Variants in DNAH11 observed in about 807,000 individuals in gnomAD.
DNAH11 encodes axonemal beta dynein heavy chain 11.
DNAH11 carries 442 observed loss-of-function variants against 526.0 expected under a neutral mutation model. That is an observed-to-expected ratio of 0.84 (90% CI 0.78 to 0.91). DNAH11 has a LOEUF of 0.91. Ranked by LOEUF, DNAH11 falls within the 40% of genes least tolerant of loss-of-function variation. The pLI, the probability that DNAH11 is intolerant of heterozygous loss-of-function variation, is 0.00. For synonymous variants in DNAH11, 2,461 were observed against 1,935.9 expected (o/e 1.27, Z -7.12); for missense variants, 6,989 against 5,448.7 (o/e 1.28, Z -8.90).
intron 76 of DNAH11, among the ~76,000 whole-genome samples, chr7:21,889,157 T>C (rs1784241047): frequency 1.3e-5 from 2 of 152,212 alleles, no homozygotes; most frequent in Non-Finnish European, 2.9e-5. Flanking sequence ...AATGGACTCA[T>C]ACAATATGTA....
At position 21,901,143 on chromosome 7, in the gene DNAH11, G is replaced by GTATAGAACC; in HGVS notation, c.13441_13449dup (p.Tyr4481_Thr4483dup). 2 of 1,613,948 alleles carry GTATAGAACC rather than the reference G, an allele frequency of 1.2e-6. No individual in the cohort carries two copies. Among genetic ancestry groups the GTATAGAACC allele is most frequent in the Non-Finnish European group, 1.7e-6 (2 of 1,179,858 alleles). ...CCAAACAGACCTACGAGTGCCCTGT[G>GTATAGAACC]TATAGAACCAAACTGAGAGGCCCCA... On this transcript the variant is annotated inframe_insertion, in exon 82 of 82. Coordinates refer to ENST00000409508, the MANE Select transcript of DNAH11 (RefSeq NM_001277115.2).
intron 65 of DNAH11, among the ~76,000 whole-genome samples, chr7:21,828,149 A>T (rs1790388602): frequency 6.6e-6 from 1 of 152,034 alleles, no homozygotes; most frequent in African/African-American, 2.4e-5. Flanking sequence ...GGGTTTCACT[A>T]TGTTGGTCAG....
chr7:21,652,361 A>G (rs978927287), intron 28 of DNAH11, among the ~76,000 whole-genome samples: 40 of 152,222 alleles, frequency 2.6e-4, no homozygotes, highest in Non-Finnish European at 1.6e-4. Context: ...TGAAAGGTAA[A>G]ATGTTGATGG....
intron 61 of DNAH11, among the ~76,000 whole-genome samples, chr7:21,797,678 A>G (rs114722740): frequency 1.3e-5 from 2 of 152,236 alleles, no homozygotes; most frequent in African/African-American, 4.8e-5. Context: ...AAAGTAGTAG[A>G]TTGTCACCTT....
At chr7:21,708,919 T>C (rs1784366446) in intron 40 of DNAH11, among the ~76,000 whole-genome samples, 1 of 152,162 alleles carries the variant, frequency 6.6e-6, no homozygotes, top group Non-Finnish European at 1.5e-5. Flanking sequence ...AGAAAGACTA[T>C]TATGAAAAAG....
At chr7:21,842,183 T>G (rs1371084008) in intron 65 of DNAH11, among the ~76,000 whole-genome samples, 1 of 152,200 alleles carries the variant, frequency 6.6e-6, no homozygotes, top group Admixed American at 6.5e-5. Context: ...ATATGTTGTT[T>G]TGCTTAAAGT....
intron 28 of DNAH11, among the ~76,000 whole-genome samples, chr7:21,650,096 TAAAAA>T (rs1240821285): frequency 6.6e-6 from 1 of 151,966 alleles, no homozygotes; most frequent in Non-Finnish European, 1.5e-5. Flanking sequence ...AAGTTTATTT[TAAAAA>T]AAACCCAGCA....
intron 41 of DNAH11, 43 bp from the exon 42 acceptor site, chr7:21,711,669 G>A (rs779342522): frequency 3.1e-6 from 5 of 1,589,454 alleles, no homozygotes; most frequent in African/African-American, 2.7e-5. Flanking sequence ...GATGTTTGCG[G>A]CATTGCTTTT....
At chr7:21,702,968 C>T (rs1455822276) in intron 37 of DNAH11, among the ~76,000 whole-genome samples, 166 bp downstream of exon 37, 1 of 152,090 alleles carries the variant, frequency 6.6e-6, no homozygotes, top group Non-Finnish European at 1.5e-5. Flanking sequence ...TAAGAGGTCA[C>T]AAGTGGTCTT....
intron 30 of DNAH11, among the ~76,000 whole-genome samples, chr7:21,675,705 T>C (rs1782848161): frequency 6.6e-6 from 1 of 152,188 alleles, no homozygotes; most frequent in South Asian, 2.1e-4. Flanking sequence ...AGTGTTGATT[T>C]GGACACATGC....
At chr7:21,834,894 C>G (rs143950555) in intron 65 of DNAH11, among the ~76,000 whole-genome samples, 2 of 152,104 alleles carry the variant, frequency 1.3e-5, no homozygotes, top group African/African-American at 2.4e-5. Context: ...CAGCAAACCT[C>G]TACTTAGACT....
chr7:21,549,768 C>A (rs1782949539), intron 2 of DNAH11, among the ~76,000 whole-genome samples: 1 of 152,148 alleles, frequency 6.6e-6, no homozygotes, highest in South Asian at 2.1e-4. Flanking sequence ...ATTGGGTAGT[C>A]CACCATATAG....
intron 34 of DNAH11, among the ~76,000 whole-genome samples, chr7:21,688,890 G>C (rs1234528627): frequency 6.6e-6 from 1 of 152,172 alleles, no homozygotes; most frequent in Admixed American, 6.5e-5. Flanking sequence ...TTTATCAACA[G>C]GGCAATCTTA....
At chr7:21,843,591 C>T (rs1223827472) in intron 66 of DNAH11, among the ~76,000 whole-genome samples, 1 of 150,456 alleles carries the variant, frequency 6.6e-6, no homozygotes, top group African/African-American at 2.5e-5. Context: ...AGCGATTCTT[C>T]TGCCTCAGCT....
intron 28 of DNAH11, among the ~76,000 whole-genome samples, chr7:21,655,333 A>G (rs1781968138): frequency 6.6e-6 from 1 of 152,154 alleles, no homozygotes; most frequent in African/African-American, 2.4e-5. Flanking sequence ...TTTCTTATGT[A>G]CCAAGGATAC....
At chr7:21,698,507 T>A (rs1255829112) in intron 36 of DNAH11, among the ~76,000 whole-genome samples, 3 of 152,134 alleles carry the variant, frequency 2.0e-5, no homozygotes, top group African/African-American at 7.2e-5. Flanking sequence ...GGCCATTATA[T>A]CATTCTTATG....
At chr7:21,791,722 A>G (rs1177634113) in intron 61 of DNAH11, among the ~76,000 whole-genome samples, 1 of 152,240 alleles carries the variant, frequency 6.6e-6, no homozygotes, top group Admixed American at 6.5e-5. Flanking sequence ...AGTGTGCAAC[A>G]TACAGTAGAC....
chr7:21,675,287 G>C (rs112541618), intron 30 of DNAH11, among the ~76,000 whole-genome samples: 1 of 152,134 alleles, frequency 6.6e-6, no homozygotes, highest in Non-Finnish European at 1.5e-5. Context: ...TCCTGCCATG[G>C]GTGACCTCTT....
chr7:21,570,203 C>T lies in DNAH11; in HGVS notation c.1329C>T (p.Ser443=). 1 of 1,613,448 alleles carries T rather than the reference C, an allele frequency of 6.2e-7. No individual in the cohort carries two copies. The highest frequency in any genetic ancestry group is 1.1e-5 in the South Asian group (1 of 91,056). The change falls in exon 7 of 82, where the codon AGC becomes AGT. Residue 443 remains serine (S), a synonymous_variant. Coordinates refer to ENST00000409508, the MANE Select transcript of DNAH11 (RefSeq NM_001277115.2). ...TCAACTATAGAAAAAAATTGGCAAG[C>T]TACTTTATGGGAAGAAAGCTGAGAC... The part of the protein sequence containing the change: ...SFFNYRKKLA[S]YFMGRKLRPW...
Sources: allele counts gnomAD v4.1 joint callset (sites outside exome capture counted in the v4.1 genomes callset), GRCh38; gene constraint gnomAD v4.1.1; transcripts MANE v1.5; gene names NCBI Gene and HGNC (gene_info 2026-07-23, HGNC 2026-07-21).